ARHGEF26: variants seen among roughly 807,000 people sequenced by gnomAD.
ARHGEF26 encodes the protein Rho guanine nucleotide exchange factor 26.
ARHGEF26 carries 59 observed loss-of-function variants against 89.4 expected under a neutral mutation model. The ratio of observed to expected loss-of-function variants is 0.66; its 90% CI spans 0.54 to 0.82. ARHGEF26 has a LOEUF of 0.82. ARHGEF26 is among the 40% of genes least tolerant of loss of function. The pLI is 0.00. For synonymous variants in ARHGEF26, 500 were observed against 428.4 expected, an observed-to-expected ratio of 1.17 and a Z score of -2.06; for missense variants, 1,234 against 1,085.6, an observed-to-expected ratio of 1.14 and a Z score of -1.92.
chr3:154,188,884 T>C (rs531650190), intron 7 of ARHGEF26, among the ~76,000 whole-genome samples: 1 of 152,274 alleles, frequency 6.6e-6, no homozygotes, highest in East Asian at 1.9e-4. Context: ...ATTTTTAGTA[T>C]AAAGCAGGGT....
intron 9 of ARHGEF26, among the ~76,000 whole-genome samples, chr3:154,215,702 C>T (rs796832761): frequency 3.9e-5 from 6 of 152,088 alleles, no homozygotes; most frequent in African/African-American, 1.4e-4. Flanking sequence ...CACCTTCTCC[C>T]TATGTCCTCA....
intron 6 of ARHGEF26, among the ~76,000 whole-genome samples, chr3:154,163,608 C>T (rs886381083): frequency 1.3e-5 from 2 of 152,248 alleles, no homozygotes; most frequent in Non-Finnish European, 2.9e-5. Flanking sequence ...GCTAGTCAGA[C>T]GGAGTGATGA....
At chr3:154,243,428 C>G (rs1290645726) in intron 12 of ARHGEF26, among the ~76,000 whole-genome samples, 1 of 152,206 alleles carries the variant, frequency 6.6e-6, no homozygotes, top group Non-Finnish European at 1.5e-5. Flanking sequence ...CCACTCATTT[C>G]TGAGATGATT....
intron 12 of ARHGEF26, among the ~76,000 whole-genome samples, chr3:154,251,706 A>G (rs1288002194): frequency 6.6e-6 from 1 of 152,214 alleles, no homozygotes; most frequent in Non-Finnish European, 1.5e-5. Flanking sequence ...TTGAGTGGAT[A>G]TATGTTGAGC....
At chr3:154,200,962 G>T (rs1714589172) in intron 9 of ARHGEF26, among the ~76,000 whole-genome samples, 1 of 151,432 alleles carries the variant, frequency 6.6e-6, no homozygotes, top group African/African-American at 2.4e-5. Context: ...TACTGAATTT[G>T]TTTATTCTGA....
chr3:154,191,390 G>A lies in ARHGEF26; in HGVS notation c.1742G>A (p.Arg581Lys). ...MISFLILPMQ[R>K]VTRLPLLMDT... ...TCTTTTCTCATTCTCCCCATGCAGA[G>A]GGTGACCCGCCTTCCCCTGCTGATG... The change falls in exon 8 of 15, where the codon AGG (arginine) becomes AAG (lysine). Residue 581 changes from arginine (R) to lysine (K), a missense_variant. Arg to Lys is a conservative substitution (Grantham distance 26). Transcript: ENST00000465093. 1 of 1,613,842 alleles carries A rather than the reference G, an allele frequency of 6.2e-7. No individual in the cohort carries two copies. Among genetic ancestry groups the A allele is most frequent in the Non-Finnish European group, 8.5e-7 (1 of 1,179,806 alleles).
chr3:154,175,433 TA>T (rs11328841), intron 6 of ARHGEF26, among the ~76,000 whole-genome samples: 27,876 of 149,902 alleles, frequency 0.19, 2,859 homozygotes, highest in South Asian at 0.37. Flanking sequence ...AAGCTAGTGT[TA>T]AAAAAAAAAG....
chr3:154,155,172 C>T (rs1054226511), intron 6 of ARHGEF26, among the ~76,000 whole-genome samples: 1 of 151,950 alleles, frequency 6.6e-6, no homozygotes, highest in Admixed American at 6.6e-5. Flanking sequence ...TAGCATTTCT[C>T]TTATAAGCTT....
intron 4 of ARHGEF26, among the ~76,000 whole-genome samples, chr3:154,131,379 G>A (rs1014241355): frequency 6.6e-6 from 1 of 152,178 alleles, no homozygotes; most frequent in Admixed American, 6.5e-5. Flanking sequence ...ATTCAGATTT[G>A]CCCTCTATGC....
In ARHGEF26 at chr3:154,230,000, G is replaced by T. The variant is rs554358244; in HGVS notation, c.2090+3990G>T. On this transcript the variant is annotated intron_variant, in intron 11 of 14. Coordinates refer to ENST00000465093, the MANE Select transcript of ARHGEF26 (RefSeq NM_015595.4). ...ACTGTACCTTCATGTATAACCTATG[G>T]TCTAAATACTGTTGTTCCTAGTTTT... Among the ~76,000 whole-genome samples, 4 of 152,248 alleles carry T rather than the reference G, an allele frequency of 2.6e-5. No individual in the cohort carries two copies. The East Asian group carries it at 7.7e-4, about 29-fold the overall frequency.
intron 6 of ARHGEF26, among the ~76,000 whole-genome samples, chr3:154,167,192 T>A (rs1444654183): frequency 2.6e-5 from 4 of 152,206 alleles, no homozygotes; most frequent in African/African-American, 9.6e-5. Flanking sequence ...GCATTACATC[T>A]GATTCCTTGA....
rs749801566 is a variant in ARHGEF26 at position 154,123,177 on chromosome 3, G to T, written c.1083+102G>T. The T allele has an allele frequency of 1.3e-4, 198 of 1,485,588 alleles. 1 individual carries two copies. The highest frequency in any genetic ancestry group is 5.4e-4 in the South Asian group (40 of 74,716). The allele number at this position is 1,485,588 out of a possible 1,614,324, so 92.0% of individuals were successfully genotyped here. On this transcript the variant is annotated intron_variant, in intron 2 of 14. Coordinates refer to ENST00000465093, the MANE Select transcript of ARHGEF26 (RefSeq NM_015595.4). ...AGAGGAAACCCGAAGAAGTCATTCC[G>T]TTTTAATTCTGTGTTTTGCTCTTGA... is the stretch of plus-strand genomic sequence containing the variant.
At chr3:154,168,102 C>T (rs926497900) in intron 6 of ARHGEF26, among the ~76,000 whole-genome samples, 4 of 152,192 alleles carry the variant, frequency 2.6e-5, no homozygotes, top group South Asian at 2.1e-4. Flanking sequence ...TAAACTACTT[C>T]CATGGAATTT....
At position 154,255,860 on chromosome 3, in the gene ARHGEF26, T is replaced by C. The variant is rs1354380043; in HGVS notation, c.*387T>C. The C allele has an allele frequency of 8.0e-6, 8 of 1,005,748 alleles. No individual in the cohort carries two copies. The highest frequency in any genetic ancestry group is 1.7e-5 in the African/African-American group (1 of 58,018). 62.3% of individuals were successfully genotyped at this position (1,005,748 alleles called of 1,614,324 possible). A position where few individuals can be genotyped will look rare whatever the true frequency, so the allele number is the denominator to read the frequency against. Reference sequence around the variant, plus strand: ...TCTCTCTTTATACATCCTTGTATGGTTCTCCCAGTATTAGCAAGATTGTAT... The same window carrying C: ...TCTCTCTTTATACATCCTTGTATGGCTCTCCCAGTATTAGCAAGATTGTAT... On this transcript the variant is annotated 3_prime_UTR_variant, in exon 15 of 15. Transcript: ENST00000465093.
chr3:154,256,138 T>G lies in ARHGEF26; in HGVS notation c.*665T>G, dbSNP rs1029361902. The stretch of plus-strand genomic sequence containing the variant: ...AAAAATCCATCTCACCCCATATTGT[T>G]CTTAAATAAGTATAGACTAATTAAC... On this transcript the variant is annotated 3_prime_UTR_variant, in exon 15 of 15. Transcript: ENST00000465093. The G allele has an allele frequency of 5.9e-5, 58 of 985,162 alleles. No homozygotes were observed. The highest frequency in any genetic ancestry group is 7.0e-5 in the Non-Finnish European group (58 of 829,452). 61.0% of individuals were successfully genotyped at this position (985,162 alleles called of 1,614,324 possible).
chr3:154,200,914 T>C (rs1714586454), intron 9 of ARHGEF26, among the ~76,000 whole-genome samples: 1 of 152,140 alleles, frequency 6.6e-6, no homozygotes, highest in Non-Finnish European at 1.5e-5. Context: ...ATAGAAATGC[T>C]ACTGATTTTT....
At chr3:154,159,457 A>G (rs1450192240) in intron 6 of ARHGEF26, among the ~76,000 whole-genome samples, 1 of 152,080 alleles carries the variant, frequency 6.6e-6, no homozygotes, top group Admixed American at 6.6e-5. Context: ...GTGAATGCCA[A>G]ATTCTCTGGT....
chr3:154,164,556 C>T (rs1711879923), intron 6 of ARHGEF26, among the ~76,000 whole-genome samples: 1 of 152,020 alleles, frequency 6.6e-6, no homozygotes, highest in African/African-American at 2.4e-5. Context: ...TCAAGATTGG[C>T]TAAGATTGAC....
intron 4 of ARHGEF26, among the ~76,000 whole-genome samples, chr3:154,133,326 C>A (rs929745158): frequency 6.6e-6 from 1 of 151,986 alleles, no homozygotes; most frequent in Non-Finnish European, 1.5e-5. Flanking sequence ...GTAGTGTTGT[C>A]ATTTAGGAAT....
Sources: gnomAD v4.1 joint callset for allele counts (sites outside exome capture counted in the v4.1 genomes callset) on GRCh38, gnomAD v4.1.1 for gene constraint, MANE v1.5 for transcripts, NCBI Gene and HGNC (gene_info 2026-07-23, HGNC 2026-07-21) for gene names.